Variants in ZNF385C observed in about 807,000 individuals in gnomAD.
ZNF385C encodes the protein zinc finger protein 385C.
Under a neutral mutation model 35.4 loss-of-function variants are expected in ZNF385C, and 28 were observed. The observed-to-expected ratio is 0.79, with a 90% CI of 0.59 to 1.08. The LOEUF (loss-of-function observed/expected upper bound fraction) is 1.08, where lower values mean the gene tolerates loss of function less well. Among genes scored for constraint, ZNF385C ranks in the 50% least tolerant of loss-of-function variants. The pLI is 0.00. For missense variants in ZNF385C, 605 were observed against 595.6 expected, an observed-to-expected ratio of 1.02 and a Z score of -0.16; for synonymous variants, 248 against 248.2, an observed-to-expected ratio of 1.00 and a Z score of 0.01.
intron 2 of ZNF385C, among the ~76,000 whole-genome samples, chr17:42,056,929 C>T (rs1383210292): frequency 1.3e-5 from 2 of 152,020 alleles, no homozygotes; most frequent in African/African-American, 2.4e-5. Flanking sequence ...TTATCAGCAG[C>T]ATGAAAATGG....
chr17:42,045,913 C>T lies in ZNF385C; in HGVS notation c.251-8028G>A, dbSNP rs1223301728. 4.6e-5 allele frequency among the ~76,000 whole-genome samples: 7 copies of T among 152,236 alleles called. No homozygotes were observed. In the East Asian group the frequency reaches 1.3e-3, roughly 29 times the overall value. ...GAATACTTCTGTTAATAGAGCCTCC[C>T]GCCATTCCTGTCTGCCCAATCAATC... On this transcript the variant is annotated intron_variant, in intron 2 of 8. Coordinates refer to ENST00000692273, the MANE Select transcript of ZNF385C (RefSeq NM_001392013.1).
At chr17:42,085,196 C>T (rs1598205316) in intron 1 of ZNF385C, among the ~76,000 whole-genome samples, 1 of 152,094 alleles carries the variant, frequency 6.6e-6, no homozygotes, top group Non-Finnish European at 1.5e-5. Context: ...CTTTGGGAAG[C>T]CAAGGCAGAA....
At chr17:42,086,138 TC>T (rs1555660111) in intron 1 of ZNF385C, among the ~76,000 whole-genome samples, 1 of 152,058 alleles carries the variant, frequency 6.6e-6, no homozygotes, top group African/African-American at 2.4e-5. Flanking sequence ...ACGCCTGTAA[TC>T]CCAGCACTTG....
At chr17:42,037,925 T>C (rs1277456342) in intron 2 of ZNF385C, 40 bp from the exon 3 acceptor site, 2 of 1,546,470 alleles carry the variant, frequency 1.3e-6, no homozygotes, top group African/African-American at 1.4e-5. Flanking sequence ...ATGGGCTCTG[T>C]CCTACCCCCG....
intron 6 of ZNF385C, 44 bp downstream of exon 6, chr17:42,028,739 C>A (rs2052656908): frequency 1.3e-6 from 2 of 1,522,786 alleles, no homozygotes; most frequent in South Asian, 1.2e-5. Context: ...GGCTTAGCTT[C>A]TGTCCCACCC....
At chr17:42,036,307 T>C (rs879984834) in intron 3 of ZNF385C, among the ~76,000 whole-genome samples, 14 of 152,094 alleles carry the variant, frequency 9.2e-5, no homozygotes, top group Non-Finnish European at 1.5e-4. Context: ...CTTCTTTTCC[T>C]TATTTTAAAT....
chr17:42,082,609 G>T (rs1398309741), intron 1 of ZNF385C, among the ~76,000 whole-genome samples: 2 of 152,222 alleles, frequency 1.3e-5, no homozygotes, highest in Non-Finnish European at 2.9e-5. Flanking sequence ...AGGCAAAGGT[G>T]CTCCAGGACG....
chr17:42,063,499 C>T (rs1372300391), intron 1 of ZNF385C, among the ~76,000 whole-genome samples: 3 of 152,142 alleles, frequency 2.0e-5, no homozygotes, highest in Non-Finnish European at 2.9e-5. Context: ...CATTGCACTC[C>T]AGCTTCCACA....
At position 42,028,891 on chromosome 17, in the gene ZNF385C, C is replaced by A. The variant is rs782750056; in HGVS notation, c.859G>T (p.Val287Leu). 1.9e-6 allele frequency: 3 copies of A among 1,550,582 alleles called. No homozygotes were observed. Among genetic ancestry groups the A allele is most frequent in the Middle Eastern group, 1.7e-4 (1 of 5,992 alleles). ...APGPEPAAAA[V>L]GSSMSGEGRS... is the part of the protein sequence containing the mutation. ...CCTTCCCCACTCATGCTGCTTCCCA[C>A]GGCAGCTGCCGCTGGCTCAGGCCCC... Residue 287 changes from valine to leucine, a missense_variant, in exon 6 of 9, where the codon GTG becomes TTG. Val to Leu is a conservative substitution (Grantham distance 32). Coordinates refer to ENST00000692273, the MANE Select transcript of ZNF385C (RefSeq NM_001392013.1).
intron 1 of ZNF385C, among the ~76,000 whole-genome samples, chr17:42,070,485 A>G (rs1555658712): frequency 6.6e-6 from 1 of 152,216 alleles, no homozygotes; most frequent in Non-Finnish European, 1.5e-5. Flanking sequence ...ATTCTGCCTT[A>G]GCCTGGGAGA....
intron 1 of ZNF385C, among the ~76,000 whole-genome samples, chr17:42,088,977 A>G (rs1219222430): frequency 2.6e-5 from 4 of 151,892 alleles, no homozygotes; most frequent in African/African-American, 9.7e-5. Context: ...AGGCACACGC[A>G]TCACCATGCC....
intron 3 of ZNF385C, 51 bp downstream of exon 3, chr17:42,037,686 G>GC: frequency 6.8e-7 from 1 of 1,460,100 alleles, no homozygotes; most frequent in African/African-American, 1.4e-5. Flanking sequence ...CACCTTCTGT[G>GC]CCCACCCACA....
intron 1 of ZNF385C, among the ~76,000 whole-genome samples, chr17:42,093,367 G>A (rs2053882737): frequency 6.6e-6 from 1 of 152,076 alleles, no homozygotes; most frequent in South Asian, 2.1e-4. Flanking sequence ...TCAGTTCAAG[G>A]TCAATCAGGT....
At chr17:42,092,955 G>T (rs898934354) in intron 1 of ZNF385C, among the ~76,000 whole-genome samples, 7 of 152,120 alleles carry the variant, frequency 4.6e-5, no homozygotes, top group Non-Finnish European at 1.0e-4. Context: ...AGGGCAGGGG[G>T]CAAGGCCAAA....
At chr17:42,027,856 C>T (rs2052629019) in intron 7 of ZNF385C, 128 bp from the exon 8 acceptor site, 2 of 1,246,242 alleles carry the variant, frequency 1.6e-6, no homozygotes, top group Non-Finnish European at 2.3e-6. Flanking sequence ...TGGGTCCTCA[C>T]CCTGGGGTAG....
At chr17:42,030,084 C>T (rs1470799952) in intron 5 of ZNF385C, among the ~76,000 whole-genome samples, 3 of 151,810 alleles carry the variant, frequency 2.0e-5, no homozygotes, top group Non-Finnish European at 2.9e-5. Flanking sequence ...GTATGATCCA[C>T]GGTGGAGTAC....
chr17:42,029,273 CAGAA>C (rs1385927675), intron 5 of ZNF385C, among the ~76,000 whole-genome samples, 200 bp from the exon 6 acceptor site: 3 of 152,198 alleles, frequency 2.0e-5, no homozygotes, highest in East Asian at 3.8e-4. Context: ...ACAGTGGTCT[CAGAA>C]AGCCCTCACA....
At chr17:42,072,258 T>C (rs2053635685) in intron 1 of ZNF385C, among the ~76,000 whole-genome samples, 1 of 151,826 alleles carries the variant, frequency 6.6e-6, no homozygotes, top group African/African-American at 2.4e-5. Context: ...AATGGTCCTC[T>C]CCTTAGGGTG....
chr17:42,079,996 C>A (rs1123364), intron 1 of ZNF385C, among the ~76,000 whole-genome samples: 4,170 of 152,280 alleles, frequency 0.027, 178 homozygotes, highest in African/African-American at 0.091. Context: ...GAGCTCTATT[C>A]AGCTTGTATT....
Sources: allele counts gnomAD v4.1 joint callset (sites outside exome capture counted in the v4.1 genomes callset), GRCh38; gene constraint gnomAD v4.1.1; transcripts MANE v1.5; gene names NCBI Gene and HGNC (gene_info 2026-07-23, HGNC 2026-07-21).